CLVS1: variants seen among roughly 807,000 people sequenced by gnomAD.
CLVS1 encodes the protein clavesin 1.
A neutral mutation model predicts 33.1 loss-of-function variants in CLVS1; 10 were observed. The ratio of observed to expected loss-of-function variants is 0.30; its 90% CI spans 0.19 to 0.51. The LOEUF (loss-of-function observed/expected upper bound fraction) is 0.51. CLVS1 is among the 20% of genes least tolerant of loss of function. The pLI, the probability that CLVS1 is intolerant of heterozygous loss-of-function variation, is 0.97. For synonymous variants in CLVS1, 163 were observed against 166.1 expected (o/e 0.98, Z 0.14); for missense variants, 343 against 433.4 (o/e 0.79, Z 1.85).
At chr8:60,967,528 G>C in the CLVS1 span, 1 of 397,144 alleles carries the variant, frequency 2.5e-6, no homozygotes, top group Non-Finnish European at 5.1e-6. Context: ...CAGCAGAAGG[G>C]GACGGCTTGA....
rs77348621 is a variant in CLVS1 at position 61,423,117 on chromosome 8, G to A, written c.631-31024G>A. ...GAATGAGCCCAATGCACCTTGCACT[G>A]TCCCACCCCTCCTCCTCTGACCCTT... is the stretch of plus-strand genomic sequence containing the variant. On this transcript the variant is annotated intron_variant, in intron 3 of 5. Coordinates refer to ENST00000325897, the MANE Select transcript of CLVS1 (RefSeq NM_173519.3). Among the ~76,000 whole-genome samples the A allele has an allele frequency of 4.2e-3, 638 of 152,194 alleles. 4 individuals carry two copies. The highest frequency in any genetic ancestry group is 0.015 in the African/African-American group (608 of 41,540).
At chr8:61,184,451 C>T (rs990216818) in intron 2 of CLVS1, among the ~76,000 whole-genome samples, 1 of 152,174 alleles carries the variant, frequency 6.6e-6, no homozygotes, top group African/African-American at 2.4e-5. Flanking sequence ...GTGGGAGGCA[C>T]AGTAGATCCT....
chr8:61,205,961 C>A (rs958904267), intron 2 of CLVS1, among the ~76,000 whole-genome samples: 14 of 152,028 alleles, frequency 9.2e-5, no homozygotes, highest in African/African-American at 3.1e-4. Context: ...CTTTCATTAG[C>A]CTGTAAGCTC....
the CLVS1 span, among the ~76,000 whole-genome samples, chr8:60,993,892 G>T: frequency 5.9e-5 from 9 of 152,202 alleles, no homozygotes; most frequent in African/African-American, 2.2e-4. Flanking sequence ...AAAGTCAGAA[G>T]ATGTGTTTTT....
the CLVS1 span, among the ~76,000 whole-genome samples, chr8:61,047,953 T>TA: frequency 0.2 from 29,529 of 151,076 alleles, 3,917 homozygotes; most frequent in African/African-American, 0.38. Context: ...AATAATAAAA[T>TA]AAAAAAAATT....
At chr8:60,999,223 C>A in the CLVS1 span, among the ~76,000 whole-genome samples, 1 of 152,196 alleles carries the variant, frequency 6.6e-6, no homozygotes, top group Non-Finnish European at 1.5e-5. Context: ...GCGTGCAGTG[C>A]TACTACTGGC....
intron 3 of CLVS1, among the ~76,000 whole-genome samples, chr8:61,441,973 T>A (rs1816568518): frequency 6.6e-6 from 1 of 152,140 alleles, no homozygotes; most frequent in Non-Finnish European, 1.5e-5. Context: ...TTTTTTAACA[T>A]TCCATGTAAG....
intron 3 of CLVS1, among the ~76,000 whole-genome samples, chr8:61,442,271 G>A (rs905619864): frequency 6.6e-5 from 10 of 152,040 alleles, no homozygotes; most frequent in East Asian, 1.9e-4. Context: ...TGTAGATATC[G>A]ACAGTTTGTT....
At chr8:61,292,555 G>A (rs1350887789) in intron 1 of CLVS1, 2 of 333,606 alleles carry the variant, frequency 6.0e-6, no homozygotes, top group South Asian at 2.6e-5. Flanking sequence ...AAGGGTCAAG[G>A]TTTTTGTTTG....
intron 3 of CLVS1, among the ~76,000 whole-genome samples, chr8:61,387,466 C>CTTTTTTTT (rs372983692): frequency 1.6e-4 from 17 of 109,264 alleles, no homozygotes; most frequent in East Asian, 2.9e-4. Flanking sequence ...TGTACAGTTC[C>CTTTTTTTT]TTTTTTTTTT....
intron 1 of CLVS1, among the ~76,000 whole-genome samples, chr8:61,100,325 A>G (rs1235485966): frequency 1.3e-5 from 2 of 152,190 alleles, no homozygotes; most frequent in East Asian, 1.9e-4. Flanking sequence ...ATAGCAGACA[A>G]AAATAATACA....
At chr8:61,097,046 G>A (rs1322950312) in intron 1 of CLVS1, among the ~76,000 whole-genome samples, 1 of 152,078 alleles carries the variant, frequency 6.6e-6, no homozygotes, top group Non-Finnish European at 1.5e-5. Context: ...CACAGTTAAA[G>A]GTCTCTAAAC....
intron 3 of CLVS1, among the ~76,000 whole-genome samples, chr8:61,406,403 C>T (rs1365097721): frequency 6.6e-6 from 1 of 152,196 alleles, no homozygotes; most frequent in African/African-American, 2.4e-5. Flanking sequence ...CAAGAAAGCT[C>T]TTCTTTTTAA....
intron 3 of CLVS1, among the ~76,000 whole-genome samples, chr8:61,382,160 C>T (rs567968009): frequency 1.1e-4 from 17 of 152,264 alleles, no homozygotes; most frequent in African/African-American, 4.1e-4. Context: ...AAGTCTGTCA[C>T]ATCAATGGGC....
chr8:61,044,574 C>T, the CLVS1 span, among the ~76,000 whole-genome samples: 1 of 152,174 alleles, frequency 6.6e-6, no homozygotes, highest in African/African-American at 2.4e-5. Context: ...CACCTATTGC[C>T]ACATAGGGGA....
chr8:61,277,891 AG>A (rs1255314061), intron 2 of CLVS1, among the ~76,000 whole-genome samples: 6 of 152,194 alleles, frequency 3.9e-5, no homozygotes, highest in Non-Finnish European at 8.8e-5. Flanking sequence ...ACAAAAAAAA[AG>A]GACTTTGAGT....
chr8:61,340,287 A>G (rs902084317), intron 2 of CLVS1, among the ~76,000 whole-genome samples: 1 of 152,200 alleles, frequency 6.6e-6, no homozygotes, highest in Non-Finnish European at 1.5e-5. Flanking sequence ...TGCACAATAG[A>G]TCTCTTGAAC....
chr8:61,396,596 A>G (rs1814537198), intron 3 of CLVS1, among the ~76,000 whole-genome samples: 1 of 152,178 alleles, frequency 6.6e-6, no homozygotes. Context: ...TTTTTGGTAT[A>G]TTCACCGTTG....
chr8:61,480,740 T>C (rs1337076059), intron 5 of CLVS1, among the ~76,000 whole-genome samples: 1 of 152,018 alleles, frequency 6.6e-6, no homozygotes, highest in African/African-American at 2.4e-5. Context: ...TCAGGGCAAG[T>C]CTTAAGAGTG....
Sources: allele counts gnomAD v4.1 joint callset (sites outside exome capture counted in the v4.1 genomes callset), GRCh38; gene constraint gnomAD v4.1.1; transcripts MANE v1.5; gene names NCBI Gene and HGNC (gene_info 2026-07-23, HGNC 2026-07-21).